Variants in IQCJ observed in about 807,000 individuals in gnomAD.
The protein encoded by IQCJ is IQ motif containing J.
In IQCJ, 9 loss-of-function variants were observed where a neutral mutation model predicts 11.0. The observed-to-expected ratio is 0.82, with a 90% CI of 0.49 to 1.43. The LOEUF (loss-of-function observed/expected upper bound fraction) is 1.43, where lower values mean the gene tolerates loss of function less well. IQCJ is among the 40% of genes most tolerant of loss of function. The pLI is 0.00. For synonymous variants in IQCJ, 55 were observed against 51.3 expected (o/e 1.07, Z -0.31); for missense variants, 146 against 133.2 (o/e 1.10, Z -0.47).
intron 2 of IQCJ, among the ~76,000 whole-genome samples, chr3:159,252,385 C>T (rs2108213936): frequency 6.6e-6 from 1 of 152,290 alleles, no homozygotes; most frequent in South Asian, 2.1e-4. Context: ...ACTAGTTGGC[C>T]AGTATCATGG....
chr3:159,232,104 T>C (rs1560035449), intron 1 of IQCJ, among the ~76,000 whole-genome samples: 2 of 152,164 alleles, frequency 1.3e-5, no homozygotes, highest in African/African-American at 4.8e-5. Context: ...TTGATTTTTT[T>C]GAAGGATTTT....
chr3:159,114,620 T>A (rs1479256973), intron 1 of IQCJ, among the ~76,000 whole-genome samples: 2 of 151,968 alleles, frequency 1.3e-5, no homozygotes, highest in African/African-American at 4.8e-5. Context: ...CCCTAAAAGG[T>A]TTTAAGTGGT....
chr3:159,091,674 GCACA>G (rs1170628138), intron 1 of IQCJ, among the ~76,000 whole-genome samples: 3,292 of 81,248 alleles, frequency 0.041, 74 homozygotes, highest in Middle Eastern at 0.098. Flanking sequence ...ACACACGCAT[GCACA>G]CACACACACA....
At chr3:159,087,600 G>A (rs1576995811) in intron 1 of IQCJ, among the ~76,000 whole-genome samples, 1 of 147,680 alleles carries the variant, frequency 6.8e-6, no homozygotes, top group South Asian at 2.2e-4. Context: ...TTCAGATCCT[G>A]TTATTGGTCT....
chr3:159,083,553 A>G (rs1716479575), intron 1 of IQCJ, among the ~76,000 whole-genome samples: 1 of 152,174 alleles, frequency 6.6e-6, no homozygotes, highest in South Asian at 2.1e-4. Flanking sequence ...AAATATGGCA[A>G]TTTCTTACAG....
intron 1 of IQCJ, among the ~76,000 whole-genome samples, chr3:159,094,433 T>G (rs1159785091): frequency 6.8e-6 from 1 of 147,316 alleles, no homozygotes; most frequent in Non-Finnish European, 1.5e-5. Context: ...TTTTTTTTTT[T>G]TTTTTTTTTT....
chr3:159,191,198 C>G (rs1412792151), intron 1 of IQCJ, among the ~76,000 whole-genome samples: 1 of 152,118 alleles, frequency 6.6e-6, no homozygotes, highest in Non-Finnish European at 1.5e-5. Flanking sequence ...TAGTGAGAAA[C>G]ACAGTTCCTG....
chr3:159,224,160 G>A (rs1274171500), intron 1 of IQCJ, among the ~76,000 whole-genome samples: 1 of 152,026 alleles, frequency 6.6e-6, no homozygotes, highest in Non-Finnish European at 1.5e-5. Context: ...AGAGCAAATA[G>A]CAACAAAGTT....
intron 1 of IQCJ, among the ~76,000 whole-genome samples, chr3:159,227,496 G>A (rs13094534): frequency 0.097 from 14,780 of 152,162 alleles, 923 homozygotes; most frequent in Middle Eastern, 0.13. Flanking sequence ...TTACAACTGG[G>A]TAAATGCTGT....
chr3:159,095,488 A>G (rs1468533530), intron 1 of IQCJ, among the ~76,000 whole-genome samples: 1 of 130,832 alleles, frequency 7.6e-6, no homozygotes, highest in East Asian at 2.4e-4. Context: ...AGCATTAGGT[A>G]TATCTCCCAA....
chr3:159,148,290 T>G (rs1343306803), intron 1 of IQCJ, among the ~76,000 whole-genome samples: 1 of 152,226 alleles, frequency 6.6e-6, no homozygotes, highest in Non-Finnish European at 1.5e-5. Context: ...CCTTCCTATG[T>G]CTGTTTTTGT....
downstream of IQCJ, chr3:159,265,624 C>G (rs1348877925): frequency 2.3e-6 from 1 of 441,278 alleles, no homozygotes; most frequent in African/African-American, 1.9e-5. Flanking sequence ...AACCTCAGCC[C>G]TCTTTCTCTG....
At chr3:159,184,966 C>G (rs1723300040) in intron 1 of IQCJ, among the ~76,000 whole-genome samples, 1 of 152,164 alleles carries the variant, frequency 6.6e-6, no homozygotes, top group South Asian at 2.1e-4. Context: ...TAAGAAGTTA[C>G]TTATTGAATT....
At chr3:159,075,748 T>C (rs1715871885) in intron 1 of IQCJ, among the ~76,000 whole-genome samples, 1 of 152,134 alleles carries the variant, frequency 6.6e-6, no homozygotes, top group Non-Finnish European at 1.5e-5. Flanking sequence ...GTATGGACGA[T>C]GTTTAATCTT....
At chr3:159,231,359 T>A (rs987416656) in intron 1 of IQCJ, among the ~76,000 whole-genome samples, 2 of 152,136 alleles carry the variant, frequency 1.3e-5, no homozygotes, top group Admixed American at 1.3e-4. Flanking sequence ...TAGGATCTGG[T>A]TTTTAGTTTC....
At chr3:159,115,639 T>G (rs1286510744) in intron 1 of IQCJ, among the ~76,000 whole-genome samples, 1 of 152,254 alleles carries the variant, frequency 6.6e-6, no homozygotes. Context: ...TTGTCTTGTT[T>G]AGTTCTTCCA....
At position 159,168,948 on chromosome 3, in the gene IQCJ, AT is replaced by A. The variant is rs539437494; in HGVS notation, c.10-76893del. Among the ~76,000 whole-genome samples the A allele has an allele frequency of 1.6e-3, 233 of 148,364 alleles. 1 individual carries two copies. The highest frequency in any genetic ancestry group is 3.0e-3 in the Non-Finnish European group (201 of 67,146). ...ACAATTCTCATCATGCCAGGCCATCATTCTCATGACGATGAAGACATGATGA... is the reference window on the plus strand; with the variant it reads ...ACAATTCTCATCATGCCAGGCCATCATCTCATGACGATGAAGACATGATGA... On this transcript the variant is annotated intron_variant, in intron 1 of 3. Coordinates refer to ENST00000397832, the MANE Select transcript of IQCJ (RefSeq NM_001042706.3).
At chr3:159,166,863 A>C (rs1486237571) in intron 1 of IQCJ, among the ~76,000 whole-genome samples, 1 of 152,204 alleles carries the variant, frequency 6.6e-6, no homozygotes, top group East Asian at 1.9e-4. Flanking sequence ...AAGTCTTCCA[A>C]GAGGCTGTTG....
chr3:159,076,877 G>GT (rs1278523518), intron 1 of IQCJ, among the ~76,000 whole-genome samples: 4 of 152,056 alleles, frequency 2.6e-5, no homozygotes, highest in African/African-American at 7.2e-5. Context: ...CTGTGCCTTA[G>GT]TTTTTTTGTC....
Sources: gnomAD v4.1 joint callset for allele counts (sites outside exome capture counted in the v4.1 genomes callset) on GRCh38, gnomAD v4.1.1 for gene constraint, MANE v1.5 for transcripts, NCBI Gene and HGNC (gene_info 2026-07-23, HGNC 2026-07-21) for gene names.